SYNPO2: variants seen among roughly 807,000 people sequenced by gnomAD.
The protein encoded by SYNPO2 is synaptopodin 2, also known as synaptopodin-2.
A neutral mutation model predicts 85.0 loss-of-function variants in SYNPO2; 56 were observed. The ratio of observed to expected loss-of-function variants is 0.66; its 90% CI spans 0.53 to 0.82. The LOEUF is 0.82. Ranked by LOEUF, SYNPO2 falls within the 40% of genes least tolerant of loss-of-function variation. The probability of loss-of-function intolerance (pLI) is 0.00; values close to 1 mark genes in which losing one functional copy is unlikely to be tolerated. For missense variants in SYNPO2, 1,575 were observed against 1,534.2 expected (o/e 1.03, Z -0.44); for synonymous variants, 602 against 591.1 (o/e 1.02, Z -0.27).
chr4:119,046,319 G>T (rs1738866090), intron 4 of SYNPO2, among the ~76,000 whole-genome samples: 3 of 150,420 alleles, frequency 2.0e-5, no homozygotes, highest in Admixed American at 2.0e-4. Flanking sequence ...ATAACAGAAG[G>T]TTTAAAAAAA....
Position 118,901,344 on chromosome 4 carries a change from T to G in SYNPO2, c.105+12203T>G, listed in dbSNP as rs1397844585. Among the ~76,000 whole-genome samples, 3 of 152,208 alleles carry G rather than the reference T, an allele frequency of 2.0e-5. 1 individual carries two copies. In the East Asian group the frequency reaches 5.8e-4, roughly 29 times the overall value. ...AATCCCAATTGCTTCACAGTAACACTAACTAAACTCACATCATAAGACACA... is the reference window on the plus strand; with the variant it reads ...AATCCCAATTGCTTCACAGTAACACGAACTAAACTCACATCATAAGACACA... On this transcript the variant is annotated intron_variant, in intron 1 of 4. Transcript: ENST00000307142.
chr4:118,887,166 A>AGAGTGTGT (rs57115153), upstream of SYNPO2, among the ~76,000 whole-genome samples: 7,089 of 139,088 alleles, frequency 0.051, 224 homozygotes, highest in Non-Finnish European at 0.074. Flanking sequence ...CATCTGAGTG[A>AGAGTGTGT]GTGTGTGTGT....
intron 1 of SYNPO2, among the ~76,000 whole-genome samples, chr4:118,923,769 C>G (rs1241739653): frequency 6.6e-6 from 1 of 151,708 alleles, no homozygotes; most frequent in African/African-American, 2.4e-5. Context: ...GATATTGGCT[C>G]TTAACATTCT....
intron 1 of SYNPO2, among the ~76,000 whole-genome samples, chr4:118,984,377 A>C (rs185279861): frequency 6.6e-6 from 1 of 152,352 alleles, no homozygotes. Context: ...TTTAATTAAA[A>C]AAATCCTCTT....
chr4:119,020,285 G>T (rs553737934), intron 1 of SYNPO2, among the ~76,000 whole-genome samples: 1 of 152,130 alleles, frequency 6.6e-6, no homozygotes, highest in African/African-American at 2.4e-5. Flanking sequence ...TCAGTGAAAC[G>T]CAATCACAGC....
intron 3 of SYNPO2, among the ~76,000 whole-genome samples, chr4:119,029,242 A>G (rs887067621): frequency 1.3e-5 from 2 of 152,072 alleles, no homozygotes; most frequent in Admixed American, 1.3e-4. Context: ...AGTGTTTTGA[A>G]TTTATATTAA....
At position 119,030,098 on chromosome 4, in the gene SYNPO2, C is replaced by T; in HGVS notation, c.1323C>T (p.Ser441=). 6.2e-7 allele frequency: 1 copy of T among 1,613,904 alleles called. No homozygotes were observed. The highest frequency in any genetic ancestry group is 8.5e-7 in the Non-Finnish European group (1 of 1,179,990). The change falls in exon 4 of 5, where the codon AGC becomes AGT. Residue 441 remains serine (S), a synonymous_variant. Transcript: ENST00000307142. ...GTGAAGTAGCATTTCTTGGTGCAAG[C>T]GAATCAGAGGTGGATGAAGAGTTAT... ...DTCEVAFLGA[S]ESEVDEELLS... is the part of the protein sequence containing the mutation.
chr4:119,023,056 A>G (rs879908375), intron 1 of SYNPO2, among the ~76,000 whole-genome samples: 5 of 152,152 alleles, frequency 3.3e-5, no homozygotes, highest in African/African-American at 1.2e-4. Context: ...GATTACAGGC[A>G]TAAGCCACCA....
At chr4:118,893,089 A>G (rs1732430401) in intron 1 of SYNPO2, among the ~76,000 whole-genome samples, 1 of 152,180 alleles carries the variant, frequency 6.6e-6, no homozygotes, top group African/African-American at 2.4e-5. Context: ...TCCTTCCTAT[A>G]TATGAAAACT....
intron 1 of SYNPO2, among the ~76,000 whole-genome samples, chr4:118,996,031 T>C (rs1338162155): frequency 6.6e-6 from 1 of 152,162 alleles, no homozygotes; most frequent in African/African-American, 2.4e-5. Context: ...TTTTGCTAGC[T>C]CCTATCACCT....
At chr4:118,857,295 A>G (rs1462764089) in intron 1 of SYNPO2, among the ~76,000 whole-genome samples, 1 of 152,212 alleles carries the variant, frequency 6.6e-6, no homozygotes, top group African/African-American at 2.4e-5. Context: ...TCATTTTGGG[A>G]AATTATTAGT....
At chr4:118,882,968 A>T (rs1449713232) in intron 1 of SYNPO2, among the ~76,000 whole-genome samples, 2 of 151,646 alleles carry the variant, frequency 1.3e-5, no homozygotes, top group African/African-American at 4.8e-5. Context: ...TCACTATGTT[A>T]GCCAGGATGG....
At chr4:118,970,987 C>G (rs1297261026) in intron 1 of SYNPO2, among the ~76,000 whole-genome samples, 1 of 152,198 alleles carries the variant, frequency 6.6e-6, no homozygotes, top group Non-Finnish European at 1.5e-5. Flanking sequence ...TCTCCTTAGA[C>G]AGGCTTGTTG....
intron 1 of SYNPO2, among the ~76,000 whole-genome samples, chr4:118,977,239 G>A (rs893688027): frequency 3.9e-5 from 6 of 152,220 alleles, no homozygotes; most frequent in Non-Finnish European, 7.4e-5. Flanking sequence ...GCGCAGCGCC[G>A]GTGGGCCAGC....
intron 1 of SYNPO2, among the ~76,000 whole-genome samples, chr4:118,947,685 C>T (rs906609762): frequency 2.0e-5 from 3 of 152,140 alleles, no homozygotes; most frequent in African/African-American, 7.2e-5. Context: ...AAGGCTGTTT[C>T]GAACCATATG....
At chr4:119,032,592 G>T in intron 4 of SYNPO2, 8 of 994,208 alleles carry the variant, frequency 8.0e-6, no homozygotes, top group Non-Finnish European at 9.6e-6. Context: ...GAAGATACTC[G>T]GAGGATTGTT....
intron 1 of SYNPO2, among the ~76,000 whole-genome samples, chr4:119,010,352 A>G (rs1315257562): frequency 6.6e-6 from 1 of 152,202 alleles, no homozygotes; most frequent in Non-Finnish European, 1.5e-5. Flanking sequence ...GGGAGGCAAA[A>G]GGTACTTCTT....
chr4:119,017,529 T>C (rs1244872712), intron 1 of SYNPO2, among the ~76,000 whole-genome samples: 1 of 131,288 alleles, frequency 7.6e-6, no homozygotes, highest in Non-Finnish European at 1.6e-5. Context: ...GAACATGTAG[T>C]GTACATTTTC....
rs750669075 is a variant in SYNPO2, at chr4:119,031,573, A to G, written c.2798A>G (p.Tyr933Cys). 11 of 1,614,060 alleles carry G rather than the reference A, an allele frequency of 6.8e-6. No individual in the cohort carries two copies. Among genetic ancestry groups the G allele is most frequent in the Non-Finnish European group, 9.3e-6 (11 of 1,180,026 alleles). ...TATAATCCTATCCACTCGCCGTCTTACCCACTGGCTGCTCTCAAGTCTCAG... is the reference window on the plus strand; with the variant it reads ...TATAATCCTATCCACTCGCCGTCTTGCCCACTGGCTGCTCTCAAGTCTCAG... ...VAYNPIHSPSYPLAALKSQPS... is the reference protein window; with the variant it reads ...VAYNPIHSPSCPLAALKSQPS... Residue 933 changes from tyrosine to cysteine, a missense_variant, in exon 4 of 5, where the codon TAC (tyrosine) becomes TGC (cysteine). By Grantham distance (194) the Tyr-to-Cys change is radical. This residue lies in a region of SYNPO2 where 1,508 missense variants were observed against 1,446.8 expected (regional missense o/e 1.04). Coordinates refer to ENST00000307142, the MANE Select transcript of SYNPO2 (RefSeq NM_133477.3).
Sources: allele counts gnomAD v4.1 joint callset (sites outside exome capture counted in the v4.1 genomes callset), GRCh38; gene constraint gnomAD v4.1.1; regional missense constraint gnomAD v4.1.1; transcripts MANE v1.5; gene names NCBI Gene and HGNC (gene_info 2026-07-23, HGNC 2026-07-21).